TBKBP1: variants seen among roughly 807,000 people sequenced by gnomAD.
TBKBP1 encodes TANK-binding kinase 1-binding protein 1.
In TBKBP1, 47 loss-of-function variants were observed where a neutral mutation model predicts 69.9. The observed-to-expected ratio is 0.67, with a 90% CI of 0.53 to 0.86. TBKBP1 has a LOEUF of 0.86. Among genes scored for constraint, TBKBP1 ranks in the 40% least tolerant of loss-of-function variants. The pLI, the probability that TBKBP1 is intolerant of heterozygous loss-of-function variation, is 0.00. For missense variants in TBKBP1, 831 were observed against 858.6 expected (o/e 0.97, Z 0.40); for synonymous variants, 418 against 390.3 (o/e 1.07, Z -0.84).
At chr17:47,696,429 G>A in intron 2 of TBKBP1, 92 bp downstream of exon 2, 1 of 1,428,290 alleles carries the variant, frequency 7.0e-7, no homozygotes, top group Non-Finnish European at 9.5e-7. Context: ...CAAAAGAGGG[G>A]TCACTGTGCA....
chr17:47,708,504 G>A lies in TBKBP1; in HGVS notation c.983G>A (p.Arg328Gln), dbSNP rs755123678. The A allele has an allele frequency of 3.7e-6, 6 of 1,613,768 alleles. No homozygotes were observed. The highest frequency in any genetic ancestry group is 1.3e-5 in the African/African-American group (1 of 75,014). The change falls in exon 8 of 10, where the codon CGG becomes CAG. Residue 328 changes from arginine (R) to glutamine (Q), a missense_variant. Coordinates refer to ENST00000578982, the MANE Select transcript of TBKBP1 (RefSeq NM_001394755.1). The surrounding 1 kb of genome is among the most constrained non-coding windows in gnomAD (Gnocchi z 4.4). The stretch of plus-strand genomic sequence containing the variant: ...AGGACTCTGTTGCAGGAACAGGCCC[G>A]GAGTGGCGGTGAGATGGGGCAGGGC... ...ILRTLLQEQA[R>Q]SGGQRHSPLS...
At chr17:47,695,043 C>T (rs563048395) in intron 1 of TBKBP1, among the ~76,000 whole-genome samples, 4 of 152,156 alleles carry the variant, frequency 2.6e-5, no homozygotes, top group Non-Finnish European at 5.9e-5. Context: ...GCACACACCT[C>T]GGACAGTCCC....
Position 47,709,041 on chromosome 17 carries a change from G to T in TBKBP1, c.1308G>T (p.Glu436Asp). ...CACCGCCGCCGCCCCCGCCGGGCGA[G>T]AGGACGCTGGCCGAGCGCGCCTACG... ...PRPPPPPPPG[E>D]RTLAERAYAK... is the part of the protein sequence containing the mutation. Residue 436 changes from glutamate (E) to aspartate (D), a missense_variant, in exon 9 of 10, where the codon GAG (glutamate) becomes GAT (aspartate). By Grantham distance (45) the Glu-to-Asp change is conservative. Coordinates refer to ENST00000578982, the MANE Select transcript of TBKBP1 (RefSeq NM_001394755.1). 7.8e-7 allele frequency: 1 copy of T among 1,281,470 alleles called. No homozygotes were observed. Among genetic ancestry groups the T allele is most frequent in the South Asian group, 2.0e-5 (1 of 49,910 alleles). 79.4% of individuals were successfully genotyped at this position (1,281,470 alleles called of 1,614,324 possible).
At chr17:47,694,896 G>GA (rs1039841683) in intron 1 of TBKBP1, among the ~76,000 whole-genome samples, 1 of 150,938 alleles carries the variant, frequency 6.6e-6, no homozygotes, top group South Asian at 2.1e-4. Flanking sequence ...GGAGGGGGGG[G>GA]GGTGGATTGA....
intron 7 of TBKBP1, among the ~76,000 whole-genome samples, chr17:47,701,246 G>A (rs569437129): frequency 1.3e-5 from 2 of 152,222 alleles, no homozygotes; most frequent in Admixed American, 6.5e-5. Context: ...CTGGTGGGTG[G>A]GACCCCTCAG....
At position 47,697,104 on chromosome 17, in the gene TBKBP1, G is replaced by A; in HGVS notation, c.364G>A (p.Glu122Lys). 1 of 1,611,998 alleles carries A rather than the reference G, an allele frequency of 6.2e-7. No homozygotes were observed. Among genetic ancestry groups the A allele is most frequent in the East Asian group, 2.2e-5 (1 of 44,840 alleles). Reference sequence around the variant, plus strand: ...CCTCATCCAGTTACAGAAGAACAAGGAGCAGGAAGAACAGCTTGGAGAGAT... The same window carrying A: ...CCTCATCCAGTTACAGAAGAACAAGAAGCAGGAAGAACAGCTTGGAGAGAT... ...QFQHELQKNK[E>K]QEEQLGEMIQ... The change falls in exon 4 of 10, where the codon GAG becomes AAG. Residue 122 changes from glutamate (E) to lysine (K), a missense_variant. Glu to Lys is a moderately conservative substitution (Grantham distance 56). Coordinates refer to ENST00000578982, the MANE Select transcript of TBKBP1 (RefSeq NM_001394755.1).
rs1279915260 is a variant in TBKBP1 at position 47,708,741 on chromosome 17, G to A, written c.1008G>A (p.Pro336=). ...QARSGGQRHS[P]LSQRHSPAPQ... ...CTCTTCCAGGCCAGAGGCACTCGCC[G>A]CTGTCACAACGCCACTCCCCGGCCC... Residue 336 remains proline (P), a synonymous_variant, in exon 9 of 10, where the codon CCG becomes CCA. Transcript: ENST00000578982. The surrounding 1 kb of genome is among the most constrained non-coding windows in gnomAD (Gnocchi z 4.4). 2.7e-6 allele frequency: 4 copies of A among 1,479,020 alleles called. No individual in the cohort carries two copies. Among genetic ancestry groups the A allele is most frequent in the African/African-American group, 1.5e-5 (1 of 68,226 alleles). The allele number at this position is 1,479,020 out of a possible 1,614,324, so 91.6% of individuals were successfully genotyped here.
At chr17:47,702,971 G>C (rs1195992223) in intron 7 of TBKBP1, among the ~76,000 whole-genome samples, 1 of 138,218 alleles carries the variant, frequency 7.2e-6, no homozygotes, top group Non-Finnish European at 1.6e-5. Context: ...CCGTGCTGAG[G>C]GGGAGGGGAA....
chr17:47,710,743 T>A lies in TBKBP1; in HGVS notation c.*117T>A. ...CCTGCCCTTGCGACCCCCAGATACCTCCACTTGCTACCGAGTCAACGTGTG... is the reference window on the plus strand; with the variant it reads ...CCTGCCCTTGCGACCCCCAGATACCACCACTTGCTACCGAGTCAACGTGTG... On this transcript the variant is annotated 3_prime_UTR_variant, in exon 10 of 10. Coordinates refer to ENST00000578982, the MANE Select transcript of TBKBP1 (RefSeq NM_001394755.1). 7.2e-7 allele frequency: 1 copy of A among 1,396,648 alleles called. No individual in the cohort carries two copies. The highest frequency in any genetic ancestry group is 9.7e-7 in the Non-Finnish European group (1 of 1,027,410). 86.5% of individuals were successfully genotyped at this position (1,396,648 alleles called of 1,614,324 possible).
intron 2 of TBKBP1, 48 bp downstream of exon 2, chr17:47,696,385 AG>A: frequency 6.3e-7 from 1 of 1,581,558 alleles, no homozygotes. Flanking sequence ...TGGGATGGGG[AG>A]GGGGACTGGG....
rs1239056003 is a variant in TBKBP1, at chr17:47,706,871, GCA to G, written c.873-1517_873-1516del. On this transcript the variant is annotated intron_variant, in intron 7 of 9. Transcript: ENST00000578982. ...CACACACACACACACACACACACACGCACACACCCCTACGCTCATTCACGCCT... is the reference window on the plus strand; with the variant it reads ...CACACACACACACACACACACACACGCACACCCCTACGCTCATTCACGCCT... Among the ~76,000 whole-genome samples the G allele has an allele frequency of 4.2e-3, 348 of 82,462 alleles. 2 individuals carry two copies. Among genetic ancestry groups the G allele is most frequent in the African/African-American group, 0.016 (344 of 22,168 alleles). 54.1% of individuals were successfully genotyped at this position (82,462 alleles called of 152,430 possible).
Position 47,708,387 on chromosome 17 carries a change from A to C in TBKBP1, c.873-7A>C, listed in dbSNP as rs550123962. The C allele has an allele frequency of 6.2e-7, 1 of 1,613,714 alleles. No homozygotes were observed. Among genetic ancestry groups the C allele is most frequent in the Non-Finnish European group, 8.5e-7 (1 of 1,179,736 alleles). Reference sequence around the variant, plus strand: ...TTCTCGTCTTTCCCACTGCCCTCTGACTTCAGGGTGAATTTGGCGCTGGCC... The same window carrying C: ...TTCTCGTCTTTCCCACTGCCCTCTGCCTTCAGGGTGAATTTGGCGCTGGCC... On this transcript the variant is annotated splice_region_variant and splice_polypyrimidine_tract_variant and intron_variant, in intron 7 of 9. Coordinates refer to ENST00000578982, the MANE Select transcript of TBKBP1 (RefSeq NM_001394755.1). This position sits in a 1 kb window ranked among gnomAD's most constrained non-coding sequence, Gnocchi z 4.4.
intron 5 of TBKBP1, 143 bp downstream of exon 5, chr17:47,698,918 C>T (rs975947887): frequency 3.6e-6 from 3 of 827,900 alleles, no homozygotes; most frequent in Admixed American, 3.4e-5. Flanking sequence ...CCTGCTGTCC[C>T]CTCACCTCAC....
At chr17:47,696,992 G>T in intron 3 of TBKBP1, 97 bp from the exon 4 acceptor site, 1 of 1,514,090 alleles carries the variant, frequency 6.6e-7, no homozygotes, top group Non-Finnish European at 8.9e-7. Context: ...CCCTCCATAG[G>T]GTGCTGGGAG....
chr17:47,696,256 C>G lies in TBKBP1; in HGVS notation c.144C>G (p.Tyr48Ter), dbSNP rs1406624626. The G allele has an allele frequency of 6.2e-7, 1 of 1,613,576 alleles. No individual in the cohort carries two copies. The highest frequency in any genetic ancestry group is 1.7e-5 in the Admixed American group (1 of 60,004). Residue 48 changes from tyrosine to a stop codon, truncating the protein, a stop_gained, in exon 2 of 10, where the codon TAC becomes TAG. Coordinates refer to ENST00000578982, the MANE Select transcript of TBKBP1 (RefSeq NM_001394755.1). LOFTEE classifies it high-confidence loss of function. The part of the protein sequence containing the change: ...SASHFALITA[Y>*]GDIKERLGGL... ...CCCACTTTGCCCTCATCACTGCTTA[C>G]GGAGACATCAAGGAACGGCTGGGGG...
chr17:47,694,957 C>T (rs1450043395), intron 1 of TBKBP1, among the ~76,000 whole-genome samples: 1 of 152,042 alleles, frequency 6.6e-6, no homozygotes, highest in African/African-American at 2.4e-5. Context: ...GCAGCCCGAC[C>T]TGGGGGCCCC....
At chr17:47,703,477 C>CA (rs1411604100) in intron 7 of TBKBP1, among the ~76,000 whole-genome samples, 1 of 152,228 alleles carries the variant, frequency 6.6e-6, no homozygotes, top group Non-Finnish European at 1.5e-5. Context: ...GCGCTGCACT[C>CA]ACAGGAGTTA....
intron 7 of TBKBP1, among the ~76,000 whole-genome samples, chr17:47,700,479 G>A (rs958634571): frequency 1.3e-5 from 2 of 151,456 alleles, no homozygotes; most frequent in Non-Finnish European, 2.9e-5. Flanking sequence ...ACACTTACTC[G>A]GCTGCTTTGT....
rs1045419386 is a variant in TBKBP1 at position 47,710,488 on chromosome 17, C to T, written c.1720-10C>T. The T allele has an allele frequency of 2.5e-6, 4 of 1,604,096 alleles. No individual in the cohort carries two copies. Among genetic ancestry groups the T allele is most frequent in the African/African-American group, 2.7e-5 (2 of 74,798 alleles). On this transcript the variant is annotated splice_polypyrimidine_tract_variant and intron_variant, in intron 9 of 9. Coordinates refer to ENST00000578982, the MANE Select transcript of TBKBP1 (RefSeq NM_001394755.1). ...TGGGGACCATAAGTGACTTCCTTCT[C>T]TCTCGACAGTTGCTGATGGAGACGG...
Sources: gnomAD v4.1 joint callset for allele counts (sites outside exome capture counted in the v4.1 genomes callset) on GRCh38, gnomAD v4.1.1 for gene constraint, Gnocchi (gnomAD v3.1) non-coding constraint, MANE v1.5 for transcripts, NCBI Gene and HGNC (gene_info 2026-07-23, HGNC 2026-07-21) for gene names.